Variants in CPSF4L observed in about 807,000 individuals in gnomAD.
CPSF4L encodes putative cleavage and polyadenylation specificity factor subunit 4-like protein.
A neutral mutation model predicts 24.0 loss-of-function variants in CPSF4L; 18 were observed. The ratio of observed to expected loss-of-function variants is 0.75; its 90% CI spans 0.52 to 1.11. CPSF4L has a LOEUF of 1.11. Among genes scored for constraint, CPSF4L ranks in the 50% least tolerant of loss-of-function variants. CPSF4L has a pLI of 0.00. For synonymous variants in CPSF4L, 72 were observed against 77.2 expected (o/e 0.93, Z 0.35); for missense variants, 211 against 221.8 (o/e 0.95, Z 0.31).
intron 4 of CPSF4L, among the ~76,000 whole-genome samples, chr17:73,253,130 T>C (rs943510881): frequency 6.6e-6 from 1 of 151,898 alleles, no homozygotes; most frequent in African/African-American, 2.4e-5. Flanking sequence ...GAGGCCAAGG[T>C]GGGTGGATCA....
downstream of CPSF4L, chr17:73,245,607 C>A: frequency 1.0e-6 from 1 of 985,356 alleles, no homozygotes; most frequent in Non-Finnish European, 1.2e-6. Context: ...AGGAAAGTAT[C>A]TGAATTGGCA....
chr17:73,251,905 A>T (rs1269623366), intron 5 of CPSF4L, among the ~76,000 whole-genome samples: 1 of 152,268 alleles, frequency 6.6e-6, no homozygotes, highest in Non-Finnish European at 1.5e-5. Context: ...CCCAGCTAGC[A>T]GAAGGAAAGC....
At chr17:73,251,234 C>T (rs2062004864) in intron 5 of CPSF4L, 1 of 1,134,604 alleles carries the variant, frequency 8.8e-7, no homozygotes, top group African/African-American at 1.6e-5. Context: ...CCTTTAGTTA[C>T]AGTTTTAAGT....
chr17:73,261,666 A>C, intron 1 of CPSF4L, 50 bp downstream of exon 1: 12 of 1,302,754 alleles, frequency 9.2e-6, no homozygotes, highest in Non-Finnish European at 1.1e-5. Flanking sequence ...GTCTCAAAGA[A>C]AAAAAAACAG....
chr17:73,253,840 C>T (rs2062014487), intron 4 of CPSF4L, 91 bp downstream of exon 4: 2 of 783,616 alleles, frequency 2.6e-6, no homozygotes, highest in Non-Finnish European at 2.1e-6. Flanking sequence ...CTCCAAGGCA[C>T]AGCCTCATCA....
upstream of CPSF4L, chr17:73,262,032 AC>A: frequency 3.5e-6 from 2 of 575,376 alleles, no homozygotes; most frequent in East Asian, 2.9e-5. Context: ...AGGGGCAGAC[AC>A]CCCAGGGCCC....
At chr17:73,256,414 A>C (rs1193442533) in intron 3 of CPSF4L, among the ~76,000 whole-genome samples, 1 of 152,208 alleles carries the variant, frequency 6.6e-6, no homozygotes, top group Non-Finnish European at 1.5e-5. Context: ...TCAGGTACCC[A>C]GGACCCTCCC....
chr17:73,249,786 A>T (rs1346973479), intron 5 of CPSF4L: 1 of 152,980 alleles, frequency 6.5e-6, no homozygotes, highest in African/African-American at 2.4e-5. Context: ...GCCCCATAAT[A>T]CTCCACACAT....
intron 2 of CPSF4L, among the ~76,000 whole-genome samples, chr17:73,259,879 T>C (rs17781867): frequency 0.061 from 9,343 of 152,218 alleles, 418 homozygotes; most frequent in Non-Finnish European, 0.096. Context: ...CCTAAATGTA[T>C]AGGCAAGCGG....
At chr17:73,242,914 C>T in the CPSF4L span, 1 of 1,613,740 alleles carries the variant, frequency 6.2e-7, no homozygotes, top group Non-Finnish European at 8.5e-7. Context: ...AGGTGCAACA[C>T]CACCATAAGG....
chr17:73,261,892 C>T, upstream of CPSF4L: 1 of 1,126,422 alleles, frequency 8.9e-7, no homozygotes, highest in East Asian at 2.6e-5. Context: ...CATCAGAGGC[C>T]CTTAAGGGGC....
At chr17:73,252,756 C>G in intron 4 of CPSF4L, 33 bp from the exon 5 acceptor site, 2 of 1,458,402 alleles carry the variant, frequency 1.4e-6, no homozygotes, top group Non-Finnish European at 1.9e-6. Context: ...TGAGAAGGAT[C>G]CGCTTCAGCA....
At chr17:73,248,434 A>G (rs1457135896), downstream of CPSF4L, 5 of 1,446,674 alleles carry the variant, frequency 3.5e-6, no homozygotes, top group African/African-American at 7.0e-5. Flanking sequence ...AGGAGGGGGT[A>G]AAAGTCGTGT....
rs775736035 is a variant in CPSF4L at position 73,251,042 on chromosome 17, G to A, written c.497+1588C>T. On this transcript the variant is annotated intron_variant, in intron 5 of 5. Transcript: ENST00000344935. ...AGAGCAGGCACTCTGTTGGGGATGGGGGTTTCCAAGCTTCCACAGCAGAAA... is the reference window on the plus strand; with the variant it reads ...AGAGCAGGCACTCTGTTGGGGATGGAGGTTTCCAAGCTTCCACAGCAGAAA... 57 of 1,550,000 alleles carry A rather than the reference G, an allele frequency of 3.7e-5. No homozygotes were observed. In the Admixed American group the frequency reaches 4.7e-4, roughly 13 times the overall value.
the CPSF4L span, among the ~76,000 whole-genome samples, chr17:73,243,382 G>A: frequency 3.3e-5 from 5 of 152,052 alleles, no homozygotes; most frequent in South Asian, 2.1e-4. Flanking sequence ...TCGAACTGCC[G>A]ACCTCAGGTG....
intron 2 of CPSF4L, among the ~76,000 whole-genome samples, chr17:73,258,517 G>T (rs2062032252): frequency 6.6e-6 from 1 of 150,520 alleles, no homozygotes. Context: ...GGCCAGGCTG[G>T]TCTCGAACTC....
chr17:73,250,147 C>A (rs961372641), intron 5 of CPSF4L: 1 of 1,252,214 alleles, frequency 8.0e-7, no homozygotes, highest in Non-Finnish European at 1.1e-6. Context: ...CTCACTCATA[C>A]CCTGCTTAGG....
chr17:73,252,135 C>T (rs1447855376), intron 5 of CPSF4L, among the ~76,000 whole-genome samples: 2 of 151,880 alleles, frequency 1.3e-5, no homozygotes, highest in African/African-American at 2.4e-5. Flanking sequence ...GATGACGGCA[C>T]GTGCCTGCCT....
downstream of CPSF4L, chr17:73,245,059 ATTTC>A (rs2061927618): frequency 2.9e-6 from 3 of 1,036,590 alleles, no homozygotes; most frequent in Admixed American, 6.6e-5. Flanking sequence ...TTAATACTCT[ATTTC>A]TAAACTTATA....
Sources: gnomAD v4.1 joint callset for allele counts (sites outside exome capture counted in the v4.1 genomes callset) on GRCh38, gnomAD v4.1.1 for gene constraint, MANE v1.5 for transcripts, NCBI Gene and HGNC (gene_info 2026-07-23, HGNC 2026-07-21) for gene names.